NR2C1: variants seen among roughly 807,000 people sequenced by gnomAD.
The protein encoded by NR2C1 is TR2 nuclear hormone receptor.
NR2C1 carries 33 observed loss-of-function variants against 74.8 expected under a neutral mutation model. The ratio of observed to expected loss-of-function variants is 0.44; its 90% CI spans 0.33 to 0.59. The LOEUF is 0.59. NR2C1 is among the 20% of genes least tolerant of loss of function. The pLI is 0.02. For synonymous variants in NR2C1, 225 were observed against 240.6 expected (o/e 0.94, Z 0.60); for missense variants, 568 against 715.6 (o/e 0.79, Z 2.35).
rs1002475255 is a variant in NR2C1, at chr12:95,021,923, T to C, written c.*306A>G. ...AAAAAAGAGACTAATTTATTTGTTT[T>C]ATAAAATAGAATGAGCGCTTAGTTT... On this transcript the variant is annotated 3_prime_UTR_variant, in exon 14 of 14. Transcript: ENST00000333003. 3 of 185,588 alleles carry C rather than the reference T, an allele frequency of 1.6e-5. No individual in the cohort carries two copies. The highest frequency in any genetic ancestry group is 4.7e-5 in the African/African-American group (2 of 42,620). The allele number at this position is 185,588 out of a possible 1,614,324, so 11.5% of individuals were successfully genotyped here. A position where few individuals can be genotyped will look rare whatever the true frequency, so the allele number is the denominator to read the frequency against.
chr12:95,055,569 A>C (rs1873705552), intron 7 of NR2C1, among the ~76,000 whole-genome samples: 1 of 152,228 alleles, frequency 6.6e-6, no homozygotes, highest in Non-Finnish European at 1.5e-5. Context: ...TTGATTTCCG[A>C]GCCTAAGTAT....
At chr12:95,040,625 T>A in intron 9 of NR2C1, 28 bp from the exon 10 acceptor site, 1 of 1,565,514 alleles carries the variant, frequency 6.4e-7, no homozygotes, top group Non-Finnish European at 8.7e-7. Flanking sequence ...TTAGGTAAAT[T>A]ATCTTATGAC....
At chr12:95,034,474 T>G (rs959314415) in intron 10 of NR2C1, among the ~76,000 whole-genome samples, 4 of 152,192 alleles carry the variant, frequency 2.6e-5, no homozygotes, top group Admixed American at 6.5e-5. Context: ...TCTCATACAC[T>G]GCTGACGTGA....
In NR2C1 at chr12:95,020,656, T is replaced by C. The variant is rs2136082047; in HGVS notation, c.*1573A>G. 6.6e-6 allele frequency: 1 copy of C among 152,348 alleles called. No homozygotes were observed. Among genetic ancestry groups the C allele is most frequent in the Non-Finnish European group, 1.5e-5 (1 of 68,022 alleles). 9.4% of individuals were successfully genotyped at this position (152,348 alleles called of 1,614,324 possible). On this transcript the variant is annotated 3_prime_UTR_variant, in exon 14 of 14. Coordinates refer to ENST00000333003, the MANE Select transcript of NR2C1 (RefSeq NM_003297.4). ...CCACAAAAACTTCACTTTTCTTCTATTGCAAAAATCTTTACAAAAAATGTA... is the reference window on the plus strand; with the variant it reads ...CCACAAAAACTTCACTTTTCTTCTACTGCAAAAATCTTTACAAAAAATGTA...
At chr12:95,056,787 T>C (rs1407867946) in intron 7 of NR2C1, among the ~76,000 whole-genome samples, 3 of 151,914 alleles carry the variant, frequency 2.0e-5, no homozygotes, top group East Asian at 3.9e-4. Flanking sequence ...TGAAACCCCG[T>C]CTCTACTAAA....
intron 7 of NR2C1, among the ~76,000 whole-genome samples, chr12:95,053,042 GGT>G (rs1460914024): frequency 6.6e-6 from 1 of 151,342 alleles, no homozygotes; most frequent in Non-Finnish European, 1.5e-5. Flanking sequence ...GGAGTGCAGT[GGT>G]GTGATCTCAG....
chr12:95,055,711 T>G (rs1437098208), intron 7 of NR2C1, among the ~76,000 whole-genome samples: 1 of 152,108 alleles, frequency 6.6e-6, no homozygotes, highest in Non-Finnish European at 1.5e-5. Context: ...CCCAGCACTC[T>G]GGGAGGCTGA....
intron 7 of NR2C1, among the ~76,000 whole-genome samples, chr12:95,052,731 C>T (rs1394102615): frequency 6.6e-6 from 1 of 151,944 alleles, no homozygotes; most frequent in African/African-American, 2.4e-5. Flanking sequence ...ATTTCTAAAA[C>T]TTACTATACA....
chr12:95,066,615 T>C (rs1047824985), intron 2 of NR2C1, among the ~76,000 whole-genome samples: 3 of 152,224 alleles, frequency 2.0e-5, no homozygotes, highest in Non-Finnish European at 4.4e-5. Context: ...TATTAAAATC[T>C]GTTGGTCTAT....
At chr12:95,056,685 G>C (rs1353752248) in intron 7 of NR2C1, among the ~76,000 whole-genome samples, 1 of 152,180 alleles carries the variant, frequency 6.6e-6, no homozygotes, top group African/African-American at 2.4e-5. Flanking sequence ...ACGGCTGGGC[G>C]TGCTGGCTCA....
intron 3 of NR2C1, 40 bp downstream of exon 3, chr12:95,062,468 T>C (rs564334310): frequency 7.2e-6 from 10 of 1,393,792 alleles, no homozygotes; most frequent in Non-Finnish European, 9.8e-7. Flanking sequence ...ATTTTTTTTT[T>C]ATATATGTAA....
intron 11 of NR2C1, among the ~76,000 whole-genome samples, chr12:95,029,372 A>G (rs1869766703): frequency 6.6e-6 from 1 of 152,080 alleles, no homozygotes; most frequent in South Asian, 2.1e-4. Flanking sequence ...AGCCAGGTTT[A>G]TATTTCATCT....
intron 7 of NR2C1, among the ~76,000 whole-genome samples, chr12:95,052,449 C>T (rs954956577): frequency 3.3e-5 from 5 of 152,128 alleles, no homozygotes; most frequent in East Asian, 1.9e-4. Context: ...CCATCGCGCC[C>T]GGCCGTATAT....
chr12:95,051,794 A>C lies in NR2C1; in HGVS notation c.933T>G (p.Phe311Leu), dbSNP rs1170496721. 1.5e-5 allele frequency: 24 copies of C among 1,607,568 alleles called. No individual in the cohort carries two copies. The highest frequency in any genetic ancestry group is 1.8e-5 in the Non-Finnish European group (21 of 1,178,562). ...LSNDDTSLCE[F>L]QEMQTNGDVS... ...CATCACCGTTGGTCTGCATTTCTTG[A>C]AATTCACACAAAGAGGTATCATCAT... Residue 311 changes from phenylalanine to leucine, a missense_variant, in exon 8 of 14, where the codon TTT (phenylalanine) becomes TTG (leucine). By Grantham distance (22) the Phe-to-Leu change is conservative. Coordinates refer to ENST00000333003, the MANE Select transcript of NR2C1 (RefSeq NM_003297.4).
At chr12:95,025,358 T>C (rs1869225301) in intron 12 of NR2C1, 103 bp from the exon 13 acceptor site, 1 of 628,382 alleles carries the variant, frequency 1.6e-6, no homozygotes, top group Non-Finnish European at 2.7e-6. Context: ...AGAAGCCCCA[T>C]CATAAAATGT....
chr12:95,049,397 G>T, intron 8 of NR2C1, 164 bp from the exon 9 acceptor site: 1 of 519,736 alleles, frequency 1.9e-6, no homozygotes. Flanking sequence ...TGGGATTACA[G>T]GTATAAGCCA....
At chr12:95,060,487 G>C (rs533530499) in intron 3 of NR2C1, among the ~76,000 whole-genome samples, 7 of 152,066 alleles carry the variant, frequency 4.6e-5, no homozygotes, top group Non-Finnish European at 7.4e-5. Context: ...AACCCTGTCT[G>C]TACTAAAAAT....
intron 10 of NR2C1, among the ~76,000 whole-genome samples, chr12:95,033,233 A>C: frequency 6.6e-6 from 1 of 152,166 alleles, no homozygotes; most frequent in East Asian, 1.9e-4. Context: ...CATGAAAAAA[A>C]GGGGAAATAA....
chr12:95,067,742 T>G (rs1875938488), intron 1 of NR2C1, among the ~76,000 whole-genome samples: 1 of 151,910 alleles, frequency 6.6e-6, no homozygotes, highest in Non-Finnish European at 1.5e-5. Context: ...TTTTTATTTT[T>G]TGTACAGATG....
Sources: allele counts gnomAD v4.1 joint callset (sites outside exome capture counted in the v4.1 genomes callset), GRCh38; gene constraint gnomAD v4.1.1; transcripts MANE v1.5; gene names NCBI Gene and HGNC (gene_info 2026-07-23, HGNC 2026-07-21).